The following DNAJA3 variants were observed in gnomAD, a reference collection of about 807,000 sequenced individuals.
DNAJA3 encodes dnaJ homolog subfamily A member 3, mitochondrial.
In DNAJA3, 29 loss-of-function variants were observed where a neutral mutation model predicts 54.9. The observed-to-expected ratio is 0.53, with a 90% confidence interval of 0.39 to 0.72. The LOEUF (loss-of-function observed/expected upper bound fraction) is 0.72. DNAJA3 is among the 30% of genes least tolerant of loss of function. DNAJA3 has a pLI of 0.00. For synonymous variants in DNAJA3, 302 were observed against 251.4 expected (o/e 1.20, Z -1.90); for missense variants, 708 against 639.4 (o/e 1.11, Z -1.16).
chr16:4,431,123 A>T (rs934154957), intron 1 of DNAJA3: 1 of 152,106 alleles, frequency 6.6e-6, no homozygotes, highest in African/African-American at 2.4e-5. Flanking sequence ...GTGCGTTACT[A>T]TCTCTGTACT....
intron 1 of DNAJA3, chr16:4,427,434 A>G (rs559153288): frequency 5.3e-5 from 8 of 152,328 alleles, no homozygotes; most frequent in East Asian, 3.9e-4. Flanking sequence ...TCATTAAAGT[A>G]TCAGTAATTG....
intron 7 of DNAJA3, 102 bp downstream of exon 7, chr16:4,444,830 C>G: frequency 9.2e-6 from 10 of 1,091,268 alleles, no homozygotes; most frequent in Middle Eastern, 2.6e-4. Context: ...AGGAACATGT[C>G]TCGCCATTCA....
intron 1 of DNAJA3, among the ~76,000 whole-genome samples, chr16:4,432,904 G>A (rs2141372032): frequency 6.6e-6 from 1 of 152,204 alleles, no homozygotes; most frequent in East Asian, 2.0e-4. Flanking sequence ...CACTTTGGGA[G>A]GTCGAGGCAG....
intron 4 of DNAJA3, 97 bp from the exon 5 acceptor site, chr16:4,442,171 G>T: frequency 7.6e-7 from 1 of 1,311,192 alleles, no homozygotes; most frequent in Non-Finnish European, 1.0e-6. Flanking sequence ...AAGAGTGACT[G>T]AAAATGTGGG....
At chr16:4,443,312 A>G (rs2056860779) in intron 6 of DNAJA3, 148 bp downstream of exon 6, 1 of 1,011,542 alleles carries the variant, frequency 9.9e-7, no homozygotes, top group Non-Finnish European at 1.4e-6. Context: ...GAGGCCCTGG[A>G]GCCCCAGGCT....
intron 1 of DNAJA3, 44 bp from the exon 2 acceptor site, chr16:4,434,340 T>G: frequency 6.2e-7 from 1 of 1,600,080 alleles, no homozygotes; most frequent in Non-Finnish European, 8.5e-7. Flanking sequence ...TTTCTTTTGT[T>G]GAGAACATTC....
intron 1 of DNAJA3, chr16:4,430,683 GATAAA>G (rs768989225): frequency 2.0e-5 from 3 of 152,036 alleles, no homozygotes; most frequent in African/African-American, 7.2e-5. Context: ...GGTCATATGT[GATAAA>G]ATAAATAGTC....
intron 5 of DNAJA3, 86 bp downstream of exon 5, chr16:4,442,506 A>G: frequency 3.5e-6 from 5 of 1,408,456 alleles, no homozygotes; most frequent in Non-Finnish European, 2.8e-6. Flanking sequence ...CAGAGAACGT[A>G]TGCTGGGAAT....
At chr16:4,437,536 A>G in intron 3 of DNAJA3, 51 bp downstream of exon 3, 2 of 1,525,806 alleles carry the variant, frequency 1.3e-6, no homozygotes, top group African/African-American at 1.4e-5. Context: ...ATGTGTATGA[A>G]TCAAAGGTTG....
At chr16:4,432,671 T>C (rs1596360331) in intron 1 of DNAJA3, among the ~76,000 whole-genome samples, 1 of 152,098 alleles carries the variant, frequency 6.6e-6, no homozygotes, top group South Asian at 2.1e-4. Context: ...ACAGATTTCA[T>C]CTATTAAAAC....
chr16:4,442,942 A>T, intron 5 of DNAJA3, 75 bp from the exon 6 acceptor site: 1 of 1,518,866 alleles, frequency 6.6e-7, no homozygotes. Context: ...CATTTTTCTT[A>T]CGCACATTGT....
intron 9 of DNAJA3, chr16:4,449,925 G>C (rs890721678): frequency 6.5e-6 from 1 of 152,696 alleles, no homozygotes; most frequent in Admixed American, 6.6e-5. Flanking sequence ...AAGTAGCTGG[G>C]ACTATAGGCA....
At chr16:4,432,112 C>G (rs1293907234) in intron 1 of DNAJA3, among the ~76,000 whole-genome samples, 1 of 150,526 alleles carries the variant, frequency 6.6e-6, no homozygotes, top group Admixed American at 6.7e-5. Context: ...ATTTCTGTCT[C>G]TCTCTCTTTT....
At chr16:4,444,797 C>T (rs1188876558) in intron 7 of DNAJA3, 69 bp downstream of exon 7, 33 of 1,394,494 alleles carry the variant, frequency 2.4e-5, no homozygotes, top group Non-Finnish European at 3.0e-5. Context: ...GCTGAGGCTG[C>T]TCCCATGTAA....
chr16:4,438,064 C>A (rs944673639), intron 3 of DNAJA3, among the ~76,000 whole-genome samples: 1 of 152,048 alleles, frequency 6.6e-6, no homozygotes, highest in African/African-American at 2.4e-5. Flanking sequence ...TGCCTGTAAT[C>A]CCAACACTTT....
chr16:4,454,366 C>T (rs867931661), intron 10 of DNAJA3, among the ~76,000 whole-genome samples: 2 of 152,330 alleles, frequency 1.3e-5, no homozygotes, highest in Middle Eastern at 3.4e-3. Flanking sequence ...GTCCTCCCTC[C>T]CGCTTGTTGG....
At chr16:4,434,225 A>G in intron 1 of DNAJA3, 159 bp from the exon 2 acceptor site, 1 of 743,222 alleles carries the variant, frequency 1.3e-6, no homozygotes, top group Non-Finnish European at 2.1e-6. Context: ...CGTGGGGATT[A>G]TGGGAACTAA....
At position 4,442,355 on chromosome 16, in the gene DNAJA3, A is replaced by T; in HGVS notation, c.718A>T (p.Asn240Tyr). ...CATCATGGACACGTGTGAGCGCTGC[A>T]ACGGCAAGGGGAACGAGCCCGGCAC... ...VNIMDTCERC[N>Y]GKGNEPGTKV... The change falls in exon 5 of 12, where the codon AAC becomes TAC. Residue 240 changes from asparagine (N) to tyrosine (Y), a missense_variant. Asn to Tyr is a moderately radical substitution (Grantham distance 143). Coordinates refer to ENST00000262375, the MANE Select transcript of DNAJA3 (RefSeq NM_005147.6). The T allele has an allele frequency of 6.2e-7, 1 of 1,610,218 alleles. No homozygotes were observed. Among genetic ancestry groups the T allele is most frequent in the Non-Finnish European group, 8.5e-7 (1 of 1,178,178 alleles).
chr16:4,425,992 A>C lies in DNAJA3; in HGVS notation c.111A>C (p.Ala37=). ...ARPPREGVVG[A]WLSRKLSVPA... is the part of the protein sequence containing the mutation. ...CGCCCAGGGAGGGCGTGGTGGGGGC[A>C]TGGCTGAGCCGCAAGCTGAGCGTCC... Residue 37 remains alanine, a synonymous_variant, in exon 1 of 12, where the codon GCA becomes GCC. Coordinates refer to ENST00000262375, the MANE Select transcript of DNAJA3 (RefSeq NM_005147.6). 1 of 1,601,926 alleles carries C rather than the reference A, an allele frequency of 6.2e-7. No individual in the cohort carries two copies. Among genetic ancestry groups the C allele is most frequent in the Non-Finnish European group, 8.5e-7 (1 of 1,175,284 alleles).
Sources: gnomAD v4.1 joint callset for allele counts (sites outside exome capture counted in the v4.1 genomes callset) on GRCh38, gnomAD v4.1.1 for gene constraint, MANE v1.5 for transcripts, NCBI Gene and HGNC (gene_info 2026-07-23, HGNC 2026-07-21) for gene names.